CYRIA: variants seen among roughly 807,000 people sequenced by gnomAD.
The protein encoded by CYRIA is CYFIP related Rac1 interactor A, also known as CYFIP-related Rac1 interactor A.
CYRIA carries 15 observed loss-of-function variants against 43.9 expected under a neutral mutation model. The ratio of observed to expected loss-of-function variants is 0.34; its 90% CI spans 0.23 to 0.53. CYRIA has a LOEUF of 0.53. CYRIA is among the 20% of genes least tolerant of loss of function. The pLI is 0.94. For synonymous variants in CYRIA, 117 were observed against 136.0 expected, an observed-to-expected ratio of 0.86 and a Z score of 0.97; for missense variants, 236 against 394.2, an observed-to-expected ratio of 0.60 and a Z score of 3.40.
intron 1 of CYRIA, among the ~76,000 whole-genome samples, chr2:16,652,168 T>C (rs746702296): frequency 1.8e-4 from 27 of 152,288 alleles, no homozygotes; most frequent in Admixed American, 5.2e-4. Flanking sequence ...ATTTCTATCA[T>C]TCCTTTGTGA....
chr2:16,624,994 G>A (rs1026719779), intron 1 of CYRIA, among the ~76,000 whole-genome samples: 1 of 152,156 alleles, frequency 6.6e-6, no homozygotes, highest in Non-Finnish European at 1.5e-5. Context: ...TCTACTTTTT[G>A]CTATCTAAAC....
intron 2 of CYRIA, among the ~76,000 whole-genome samples, chr2:16,607,504 C>T (rs921744614): frequency 2.0e-5 from 3 of 152,158 alleles, no homozygotes; most frequent in East Asian, 1.9e-4. Context: ...TTCAAGATTC[C>T]GCCCCTCTGC....
chr2:16,622,849 C>G (rs1210173324), intron 2 of CYRIA: 1 of 152,160 alleles, frequency 6.6e-6, no homozygotes, highest in Non-Finnish European at 1.5e-5. Context: ...AACATGTTCC[C>G]CAAAGAATAA....
Position 16,609,571 on chromosome 2 carries a change from T to C in CYRIA, c.-11+14293A>G, listed in dbSNP as rs570675323. On this transcript the variant is annotated intron_variant, in intron 2 of 11. Coordinates refer to ENST00000381323, the MANE Select transcript of CYRIA (RefSeq NM_030797.4). The stretch of plus-strand genomic sequence containing the variant: ...TGTATATTCATTCGGGATTTATTTT[T>C]CAGTGGAGTTCAACCTAACAGTTTT... Among the ~76,000 whole-genome samples the C allele has an allele frequency of 2.0e-5, 3 of 152,318 alleles. No homozygotes were observed. In the East Asian group the frequency reaches 5.8e-4, roughly 29 times the overall value.
Position 16,581,827 on chromosome 2 carries a change from C to T in CYRIA, c.70+6223G>A, listed in dbSNP as rs955532121. On this transcript the variant is annotated intron_variant, in intron 3 of 11. Transcript: ENST00000381323. ...ATGATCATCAACAGGAAAATGAAAA[C>T]GAATTGTCATACAACAGAAGAGTAT... Among the ~76,000 whole-genome samples the T allele has an allele frequency of 4.0e-5, 6 of 151,876 alleles. No homozygotes were observed. The East Asian group carries it at 7.7e-4, about 20-fold the overall frequency.
chr2:16,553,042 T>TAAG, intron 11 of CYRIA, 43 bp from the exon 12 acceptor site: 2 of 1,245,420 alleles, frequency 1.6e-6, no homozygotes, highest in Non-Finnish European at 1.2e-6. Context: ...CAAACAGTGC[T>TAAG]CTGTGTAAGC....
intron 2 of CYRIA, among the ~76,000 whole-genome samples, chr2:16,604,590 G>A (rs945902838): frequency 1.3e-5 from 2 of 152,206 alleles, no homozygotes; most frequent in Non-Finnish European, 2.9e-5. Flanking sequence ...TTAATCATCA[G>A]CTTACAATAT....
At chr2:16,559,657 G>A (rs953240025) in intron 9 of CYRIA, 71 bp from the exon 10 acceptor site, 3 of 1,546,140 alleles carry the variant, frequency 1.9e-6, no homozygotes, top group Admixed American at 1.8e-5. Context: ...CCCACAACTG[G>A]ATACTTTAGA....
At chr2:16,661,066 T>G (rs889970228) in intron 1 of CYRIA, among the ~76,000 whole-genome samples, 1 of 152,264 alleles carries the variant, frequency 6.6e-6, no homozygotes, top group Admixed American at 6.5e-5. Flanking sequence ...AAGGACTGCT[T>G]GAGCCCAGGA....
At chr2:16,583,707 T>G (rs979199103) in intron 3 of CYRIA, among the ~76,000 whole-genome samples, 8 of 152,168 alleles carry the variant, frequency 5.3e-5, no homozygotes, top group Non-Finnish European at 1.2e-4. Context: ...TTTGCTACAT[T>G]AATCTTTCAT....
chr2:16,576,878 C>A (rs1365603861), intron 3 of CYRIA, among the ~76,000 whole-genome samples: 2 of 152,036 alleles, frequency 1.3e-5, no homozygotes, highest in Non-Finnish European at 2.9e-5. Flanking sequence ...GTGAATGAAC[C>A]TTGAGGATAT....
At chr2:16,633,284 T>C (rs1669382979) in intron 1 of CYRIA, among the ~76,000 whole-genome samples, 2 of 152,196 alleles carry the variant, frequency 1.3e-5, no homozygotes, top group Admixed American at 1.3e-4. Context: ...ACTTCCTCCC[T>C]GAAGTGTTCT....
rs1390522816 is a variant in CYRIA, at chr2:16,561,487, G to A, written c.482C>T (p.Thr161Ile). 2 of 1,613,696 alleles carry A rather than the reference G, an allele frequency of 1.2e-6. No homozygotes were observed. Among genetic ancestry groups the A allele is most frequent in the Admixed American group, 1.7e-5 (1 of 59,970 alleles). The change falls in exon 7 of 12, where the codon ACA (threonine) becomes ATA (isoleucine). Residue 161 changes from threonine to isoleucine, a missense_variant. Thr to Ile is a moderately conservative substitution (Grantham distance 89). Transcript: ENST00000381323. ...IQNDFSYYRR[T>I]ISRNRINNMH... ...GTTGTTGATGCGGTTGCGACTGATT[G>A]TTCTTCTGTAGTAGCTGAAGTCATT...
intron 1 of CYRIA, among the ~76,000 whole-genome samples, chr2:16,657,052 G>A (rs1670134176): frequency 6.6e-6 from 1 of 152,208 alleles, no homozygotes; most frequent in African/African-American, 2.4e-5. Flanking sequence ...ACAGCTCAGT[G>A]CTTCCCACTC....
chr2:16,631,093 C>G (rs575651643), intron 1 of CYRIA, among the ~76,000 whole-genome samples: 1 of 152,312 alleles, frequency 6.6e-6, no homozygotes, highest in South Asian at 2.1e-4. Context: ...CTGTCAGATC[C>G]TCAGATACAA....
chr2:16,664,182 C>G (rs1670332523), intron 1 of CYRIA, among the ~76,000 whole-genome samples: 1 of 152,110 alleles, frequency 6.6e-6, no homozygotes, highest in Non-Finnish European at 1.5e-5. Context: ...CTGCTGCTGC[C>G]CCCTTCCCAG....
intron 11 of CYRIA, among the ~76,000 whole-genome samples, chr2:16,553,319 A>G (rs1414822401): frequency 1.3e-5 from 2 of 152,124 alleles, no homozygotes; most frequent in African/African-American, 4.8e-5. Flanking sequence ...TGCCCCTGCT[A>G]ACTCACAAAT....
chr2:16,624,926 T>C (rs781529038), intron 1 of CYRIA, among the ~76,000 whole-genome samples: 1 of 152,232 alleles, frequency 6.6e-6, no homozygotes, highest in Non-Finnish European at 1.5e-5. Context: ...GCTAGGATGA[T>C]CTACAGAGTC....
chr2:16,631,461 T>C (rs1669328892), intron 1 of CYRIA, among the ~76,000 whole-genome samples: 1 of 152,236 alleles, frequency 6.6e-6, no homozygotes, highest in Admixed American at 6.5e-5. Flanking sequence ...CTGATGCTTC[T>C]AAATTTCATC....
Sources: gnomAD v4.1 joint callset for allele counts (sites outside exome capture counted in the v4.1 genomes callset) on GRCh38, gnomAD v4.1.1 for gene constraint, MANE v1.5 for transcripts, NCBI Gene and HGNC (gene_info 2026-07-23, HGNC 2026-07-21) for gene names.